DNM3: variants seen among roughly 807,000 people sequenced by gnomAD.
The protein encoded by DNM3 is dynamin-3.
A neutral mutation model predicts 101.6 loss-of-function variants in DNM3; 47 were observed. That is an observed-to-expected ratio of 0.46 (90% CI 0.37 to 0.59). The LOEUF (loss-of-function observed/expected upper bound fraction) is 0.59. Ranked by LOEUF, DNM3 falls within the 20% of genes least tolerant of loss-of-function variation. DNM3 has a pLI of 0.00. For missense variants in DNM3, 849 were observed against 1,085.7 expected (o/e 0.78, Z 3.06); for synonymous variants, 385 against 387.9 (o/e 0.99, Z 0.09).
At chr1:171,903,114 C>T (rs562217258) in intron 1 of DNM3, among the ~76,000 whole-genome samples, 38 of 151,940 alleles carry the variant, frequency 2.5e-4, no homozygotes, top group African/African-American at 8.0e-4. Flanking sequence ...GAGATCGTGC[C>T]ACTATACTTA....
chr1:172,154,813 G>A (rs930649986), intron 14 of DNM3, among the ~76,000 whole-genome samples: 5 of 152,004 alleles, frequency 3.3e-5, no homozygotes, highest in African/African-American at 4.8e-5. Context: ...AAATTAAAAC[G>A]AAAGTCTCAT....
chr1:171,880,466 G>A (rs1021179667), intron 1 of DNM3, among the ~76,000 whole-genome samples: 5 of 151,968 alleles, frequency 3.3e-5, no homozygotes, highest in African/African-American at 1.2e-4. Context: ...CATTTAATTG[G>A]GATTATTTTT....
At chr1:171,853,888 A>G (rs533436352) in intron 1 of DNM3, among the ~76,000 whole-genome samples, 4 of 152,328 alleles carry the variant, frequency 2.6e-5, no homozygotes, top group African/African-American at 9.6e-5. Flanking sequence ...CTTGGTTTTC[A>G]AAACTTTCTG....
chr1:172,030,564 C>G (rs2048529020), intron 4 of DNM3, among the ~76,000 whole-genome samples: 1 of 152,114 alleles, frequency 6.6e-6, no homozygotes, highest in East Asian at 1.9e-4. Context: ...TCTAATTAAA[C>G]TAGAGAGCTT....
chr1:171,957,380 A>G (rs535661043), intron 2 of DNM3, among the ~76,000 whole-genome samples: 8 of 151,722 alleles, frequency 5.3e-5, no homozygotes, highest in African/African-American at 1.9e-4. Context: ...TGTATTTTTC[A>G]GTAGAGACGG....
At chr1:172,022,965 G>A (rs574579536) in intron 4 of DNM3, among the ~76,000 whole-genome samples, 4 of 152,080 alleles carry the variant, frequency 2.6e-5, no homozygotes, top group South Asian at 2.1e-4. Flanking sequence ...GTAAATTTTG[G>A]TTATTCTTTC....
At chr1:172,343,657 C>A (rs1322499382) in intron 17 of DNM3, among the ~76,000 whole-genome samples, 1 of 152,124 alleles carries the variant, frequency 6.6e-6, no homozygotes, top group Non-Finnish European at 1.5e-5. Flanking sequence ...AACCCTATAA[C>A]AAAAAGCAGA....
chr1:172,048,571 A>G (rs1374890525), intron 9 of DNM3, 41 bp from the exon 10 acceptor site: 3 of 1,563,138 alleles, frequency 1.9e-6, no homozygotes, highest in Non-Finnish European at 2.6e-6. Context: ...ATATTACTCA[A>G]TTAAAAAAAT....
chr1:171,974,035 G>A lies in DNM3; in HGVS notation c.236-13621G>A, dbSNP rs537206306. 1.2e-4 allele frequency among the ~76,000 whole-genome samples: 19 copies of A among 152,046 alleles called. No individual in the cohort carries two copies. The South Asian group carries it at 3.5e-3, about 28-fold the overall frequency. On this transcript the variant is annotated intron_variant, in intron 2 of 20. Transcript: ENST00000627582. ...TGTTTTTTACTTCAGAATACTGTAG[G>A]CATGGCTGACTCTTGTGAGGTTAAC...
At chr1:172,115,187 A>G (rs1444960876) in intron 13 of DNM3, among the ~76,000 whole-genome samples, 1 of 152,160 alleles carries the variant, frequency 6.6e-6, no homozygotes, top group Non-Finnish European at 1.5e-5. Flanking sequence ...GTGTTAGATA[A>G]TATTCCTGTC....
intron 18 of DNM3, among the ~76,000 whole-genome samples, chr1:172,386,438 C>T (rs2069185274): frequency 6.6e-6 from 1 of 152,164 alleles, no homozygotes; most frequent in Non-Finnish European, 1.5e-5. Flanking sequence ...ACATAGTGTT[C>T]ATACTTTAGT....
chr1:172,248,591 A>T (rs1215578051), intron 14 of DNM3, among the ~76,000 whole-genome samples: 1 of 152,072 alleles, frequency 6.6e-6, no homozygotes, highest in Non-Finnish European at 1.5e-5. Context: ...CCTTGAAATA[A>T]ATTTCAAGGC....
intron 2 of DNM3, among the ~76,000 whole-genome samples, chr1:171,945,987 G>A (rs1193388656): frequency 1.3e-5 from 2 of 152,160 alleles, no homozygotes; most frequent in Non-Finnish European, 2.9e-5. Flanking sequence ...TGAGAATGTA[G>A]GAGTGTGGTG....
At chr1:172,203,911 A>G (rs997205101) in intron 14 of DNM3, among the ~76,000 whole-genome samples, 2 of 152,202 alleles carry the variant, frequency 1.3e-5, no homozygotes, top group Non-Finnish European at 2.9e-5. Flanking sequence ...CTTCATTTCC[A>G]TCACTATAAA....
intron 18 of DNM3, among the ~76,000 whole-genome samples, chr1:172,386,255 ATT>A (rs66642613): frequency 2.0e-5 from 3 of 150,814 alleles, no homozygotes; most frequent in East Asian, 3.9e-4. Flanking sequence ...GATTGATGGT[ATT>A]TTTTTTTTGT....
intron 13 of DNM3, among the ~76,000 whole-genome samples, chr1:172,115,763 A>G (rs2055845238): frequency 6.6e-6 from 1 of 152,200 alleles, no homozygotes; most frequent in East Asian, 1.9e-4. Context: ...TATTTTATTG[A>G]AGAGGCCTTT....
chr1:172,178,146 T>A (rs2059219338), intron 14 of DNM3, among the ~76,000 whole-genome samples: 1 of 151,890 alleles, frequency 6.6e-6, no homozygotes, highest in Admixed American at 6.6e-5. Flanking sequence ...TCTAAACATA[T>A]CTAAACAGAG....
intron 14 of DNM3, among the ~76,000 whole-genome samples, chr1:172,170,618 A>G (rs1002756859): frequency 6.6e-6 from 1 of 151,876 alleles, no homozygotes; most frequent in African/African-American, 2.4e-5. Context: ...TGTTAATGAC[A>G]GTCATTTTAG....
At position 172,206,247 on chromosome 1, in the gene DNM3, A is replaced by T. The variant is rs543509851; in HGVS notation, c.1660-47326A>T. Among the ~76,000 whole-genome samples, 18 of 152,234 alleles carry T rather than the reference A, an allele frequency of 1.2e-4. No individual in the cohort carries two copies. The South Asian group carries it at 3.7e-3, about 32-fold the overall frequency. ...TGTTATACAACTGAATTAAGGTTTC[A>T]TGGGACAGTAACCACAGCTTGTGAT... On this transcript the variant is annotated intron_variant, in intron 14 of 20. Transcript: ENST00000627582.
Sources: gnomAD v4.1 joint callset for allele counts (sites outside exome capture counted in the v4.1 genomes callset) on GRCh38, gnomAD v4.1.1 for gene constraint, MANE v1.5 for transcripts, NCBI Gene and HGNC (gene_info 2026-07-23, HGNC 2026-07-21) for gene names.